The following TRAPPC9 variants were observed in gnomAD, a reference collection of about 807,000 sequenced individuals.
TRAPPC9 encodes IKK2 binding protein.
TRAPPC9 carries 83 observed loss-of-function variants against 124.0 expected under a neutral mutation model. The ratio of observed to expected loss-of-function variants is 0.67; its 90% CI spans 0.56 to 0.80. The LOEUF is 0.80. Ranked by LOEUF, TRAPPC9 falls within the 30% of genes least tolerant of loss-of-function variation. The probability of loss-of-function intolerance (pLI) is 0.00; values close to 1 mark genes in which losing one functional copy is unlikely to be tolerated. For missense variants in TRAPPC9, 1,302 were observed against 1,508.3 expected (o/e 0.86, Z 2.27); for synonymous variants, 638 against 617.5 (o/e 1.03, Z -0.49).
intron 19 of TRAPPC9, among the ~76,000 whole-genome samples, chr8:139,959,933 G>T (rs1835262969): frequency 6.6e-6 from 1 of 152,210 alleles, no homozygotes; most frequent in Admixed American, 6.5e-5. Flanking sequence ...CACAACCCAA[G>T]ACACAGAGAG....
chr8:140,202,763 G>C (rs922638862), intron 17 of TRAPPC9, among the ~76,000 whole-genome samples: 1 of 152,102 alleles, frequency 6.6e-6, no homozygotes, highest in Non-Finnish European at 1.5e-5. Flanking sequence ...ACTAGTGGTG[G>C]GACAGCCAGA....
chr8:139,869,227 G>A (rs1022770807), intron 21 of TRAPPC9, among the ~76,000 whole-genome samples: 7 of 152,070 alleles, frequency 4.6e-5, no homozygotes, highest in Non-Finnish European at 8.8e-5. Context: ...GATTCTCAAA[G>A]GTTTAAATTC....
chr8:140,020,238 C>CT (rs1218978346), intron 18 of TRAPPC9, among the ~76,000 whole-genome samples: 2 of 152,158 alleles, frequency 1.3e-5, no homozygotes, highest in Non-Finnish European at 2.9e-5. Context: ...CTCTATAGCA[C>CT]TGATATCCAC....
chr8:140,420,501 G>T (rs899262466), intron 5 of TRAPPC9, among the ~76,000 whole-genome samples: 2 of 151,980 alleles, frequency 1.3e-5, no homozygotes, highest in African/African-American at 4.8e-5. Flanking sequence ...GGGGAGGTAT[G>T]GGTAATTTTT....
chr8:140,376,488 G>C (rs1003666038), intron 7 of TRAPPC9, among the ~76,000 whole-genome samples: 1 of 148,910 alleles, frequency 6.7e-6, no homozygotes, highest in Admixed American at 6.8e-5. Flanking sequence ...CTTGGGAGAC[G>C]GAACTTGCAG....
At chr8:140,438,523 C>G (rs2070896477) in intron 3 of TRAPPC9, among the ~76,000 whole-genome samples, 7 of 152,048 alleles carry the variant, frequency 4.6e-5, no homozygotes, top group Admixed American at 4.6e-4. Context: ...AAAGTGTGGG[C>G]AGGGCCTCCT....
intron 21 of TRAPPC9, among the ~76,000 whole-genome samples, chr8:139,872,274 G>A (rs1828967842): frequency 6.6e-6 from 1 of 151,514 alleles, no homozygotes. Flanking sequence ...ATGGATGGAT[G>A]GATGGATGGA....
chr8:140,192,119 C>G (rs1345983390), intron 17 of TRAPPC9, among the ~76,000 whole-genome samples: 1 of 152,186 alleles, frequency 6.6e-6, no homozygotes, highest in East Asian at 1.9e-4. Flanking sequence ...GACTCTAAAT[C>G]AGCTGTGTTC....
In TRAPPC9 at chr8:140,196,673, TCAA is replaced by T. The variant is rs149136556; in HGVS notation, c.2556+24783_2556+24785del. On this transcript the variant is annotated intron_variant, in intron 17 of 22. Coordinates refer to ENST00000438773, the MANE Select transcript of TRAPPC9 (RefSeq NM_001160372.4). ...TCACACCTGTAACACTAAAACACAC[TCAA>T]CAATCCACTGTACAGATCACACGTG... is the stretch of plus-strand genomic sequence containing the variant. Among the ~76,000 whole-genome samples, 426 of 145,534 alleles carry T rather than the reference TCAA, an allele frequency of 2.9e-3. 2 individuals carry two copies. The highest frequency in any genetic ancestry group is 6.8e-3 in the African/African-American group (262 of 38,590).
intron 18 of TRAPPC9, among the ~76,000 whole-genome samples, chr8:140,011,946 A>G (rs886251843): frequency 1.3e-5 from 2 of 151,948 alleles, no homozygotes; most frequent in African/African-American, 2.4e-5. Flanking sequence ...CCAAAGTGCT[A>G]GGATTACAGG....
chr8:140,297,375 CAATATACA>C (rs2131806226), intron 11 of TRAPPC9, among the ~76,000 whole-genome samples: 1 of 108,918 alleles, frequency 9.2e-6, no homozygotes, highest in South Asian at 2.6e-4. Flanking sequence ...CGCATACACA[CAATATACA>C]CATGCATACA....
At chr8:140,441,030 G>A (rs1431105632) in intron 2 of TRAPPC9, among the ~76,000 whole-genome samples, 1 of 145,922 alleles carries the variant, frequency 6.9e-6, no homozygotes, top group East Asian at 2.0e-4. Context: ...CCAGGCTGGA[G>A]CCCAGTGGCA....
At chr8:139,769,811 T>A (rs1820829518) in intron 21 of TRAPPC9, among the ~76,000 whole-genome samples, 1 of 152,260 alleles carries the variant, frequency 6.6e-6, no homozygotes, top group South Asian at 2.1e-4. Context: ...TACTGATTTG[T>A]ACAAATTGTT....
At chr8:140,234,099 G>A (rs1003277563) in intron 16 of TRAPPC9, among the ~76,000 whole-genome samples, 1 of 152,170 alleles carries the variant, frequency 6.6e-6, no homozygotes, top group Non-Finnish European at 1.5e-5. Context: ...TCCGTGGCCT[G>A]TAGGAACTGG....
At chr8:140,146,274 C>T (rs749721641) in intron 17 of TRAPPC9, among the ~76,000 whole-genome samples, 99 of 152,266 alleles carry the variant, frequency 6.5e-4, no homozygotes, top group Non-Finnish European at 9.3e-4. Flanking sequence ...ATCTTCTCTG[C>T]CTGGTTCAGA....
rs192995556 is a variant in TRAPPC9, at chr8:140,158,814, A to G, written c.2556+62645T>C. 1.3e-3 allele frequency among the ~76,000 whole-genome samples: 203 copies of G among 152,322 alleles called. 1 individual carries two copies. Among genetic ancestry groups the G allele is most frequent in the African/African-American group, 4.4e-3 (181 of 41,564 alleles). On this transcript the variant is annotated intron_variant, in intron 17 of 22. Transcript: ENST00000438773. ...GTCTTGAGCATCTACTATATGCCAA[A>G]CACTACCCTGGATTCATATCATCTC... is the stretch of plus-strand genomic sequence containing the variant.
At chr8:140,039,057 T>G (rs1265896630) in intron 17 of TRAPPC9, among the ~76,000 whole-genome samples, 1 of 152,206 alleles carries the variant, frequency 6.6e-6, no homozygotes, top group Non-Finnish European at 1.5e-5. Context: ...CAAGATCCCA[T>G]CCGGTGTTAA....
Position 139,795,282 on chromosome 8 carries a change from G to T in TRAPPC9, c.3056-63080C>A, listed in dbSNP as rs142630483. ...ATTTATCAGACAATTACGGTGAGAGGAAGCGCACTGCCGAGAAGTCAGGAG... is the reference window on the plus strand; with the variant it reads ...ATTTATCAGACAATTACGGTGAGAGTAAGCGCACTGCCGAGAAGTCAGGAG... On this transcript the variant is annotated intron_variant, in intron 21 of 22. Transcript: ENST00000438773. Among the ~76,000 whole-genome samples, 1,029 of 152,234 alleles carry T rather than the reference G, an allele frequency of 6.8e-3. 10 individuals are homozygous for T. Among genetic ancestry groups the T allele is most frequent in the African/African-American group, 0.024 (977 of 41,536 alleles).
intron 17 of TRAPPC9, among the ~76,000 whole-genome samples, chr8:140,061,663 G>A (rs530546425): frequency 6.6e-6 from 1 of 152,322 alleles, no homozygotes; most frequent in South Asian, 2.1e-4. Context: ...GGCGAATGAA[G>A]TGGAAGCACT....
Sources: allele counts gnomAD v4.1 joint callset (sites outside exome capture counted in the v4.1 genomes callset), GRCh38; gene constraint gnomAD v4.1.1; transcripts MANE v1.5; gene names NCBI Gene and HGNC (gene_info 2026-07-23, HGNC 2026-07-21).